Variants in STARD6 observed in about 807,000 individuals in gnomAD.
STARD6 encodes StAR related lipid transfer domain containing 6.
In STARD6, 21 loss-of-function variants were observed where a neutral mutation model predicts 22.3. That is an observed-to-expected ratio of 0.94 (90% CI 0.67 to 1.35). The LOEUF (loss-of-function observed/expected upper bound fraction) is 1.35. Ranked by LOEUF, STARD6 falls within the 40% of genes most tolerant of loss-of-function variation. The pLI, the probability that STARD6 is intolerant of heterozygous loss-of-function variation, is 0.00. For missense variants in STARD6, 269 were observed against 266.9 expected, an observed-to-expected ratio of 1.01 and a Z score of -0.05; for synonymous variants, 80 against 88.1, an observed-to-expected ratio of 0.91 and a Z score of 0.52.
intron 5 of STARD6, among the ~76,000 whole-genome samples, chr18:54,332,928 A>G (rs1471792836): frequency 6.6e-6 from 1 of 152,154 alleles, no homozygotes; most frequent in East Asian, 1.9e-4. Flanking sequence ...AATTATAAAA[A>G]TAAATAAGTA....
chr18:54,325,315 G>C (rs2144661215), intron 7 of STARD6, among the ~76,000 whole-genome samples: 1 of 151,956 alleles, frequency 6.6e-6, no homozygotes, highest in African/African-American at 2.4e-5. Context: ...TATAAATATA[G>C]TTTTATTTTT....
intron 4 of STARD6, among the ~76,000 whole-genome samples, chr18:54,345,938 C>T (rs2089029713): frequency 6.6e-6 from 1 of 152,142 alleles, no homozygotes; most frequent in African/African-American, 2.4e-5. Flanking sequence ...AAAGTGATCA[C>T]AACAGACCTA....
In STARD6 at chr18:54,331,723, G is replaced by A. The variant is rs1227327245; in HGVS notation, c.385+19C>T. 1.3e-6 allele frequency: 2 copies of A among 1,549,250 alleles called. No homozygotes were observed. The highest frequency in any genetic ancestry group is 1.8e-6 in the Non-Finnish European group (2 of 1,128,042). On this transcript the variant is annotated intron_variant, in intron 6 of 7. Coordinates refer to ENST00000307844, the MANE Select transcript of STARD6 (RefSeq NM_139171.2). The stretch of plus-strand genomic sequence containing the variant: ...GGCTCGCAGTAATTCCAAGATATGG[G>A]CAAAATGTTTCAACTTACAACTGAT...
intron 7 of STARD6, among the ~76,000 whole-genome samples, chr18:54,328,175 G>A (rs1432018693): frequency 6.6e-6 from 1 of 152,140 alleles, no homozygotes; most frequent in Non-Finnish European, 1.5e-5. Flanking sequence ...GTATCTCCAT[G>A]GATAAATGGG....
At chr18:54,337,064 C>G in intron 5 of STARD6, 61 bp downstream of exon 5, 1 of 1,430,932 alleles carries the variant, frequency 7.0e-7, no homozygotes, top group Non-Finnish European at 9.5e-7. Context: ...AATCAACTCA[C>G]TAAGGTATAA....
intron 4 of STARD6, among the ~76,000 whole-genome samples, chr18:54,348,877 G>A (rs1568173580): frequency 1.3e-5 from 2 of 152,080 alleles, no homozygotes; most frequent in East Asian, 3.8e-4. Flanking sequence ...AGGCATAAGT[G>A]TTGAAAAATT....
At chr18:54,325,350 A>G (rs2088816806) in intron 7 of STARD6, among the ~76,000 whole-genome samples, 1 of 152,044 alleles carries the variant, frequency 6.6e-6, no homozygotes, top group South Asian at 2.1e-4. Flanking sequence ...TTCTGCAACT[A>G]GTTTTATTTT....
chr18:54,337,479 A>G (rs1359443525), intron 4 of STARD6, among the ~76,000 whole-genome samples: 1 of 152,224 alleles, frequency 6.6e-6, no homozygotes, highest in Admixed American at 6.5e-5. Context: ...TTCTATAAGT[A>G]GGCTATTAGT....
intron 4 of STARD6, among the ~76,000 whole-genome samples, chr18:54,342,423 G>GCCTCCCTCTCCC (rs1445526525): frequency 8.5e-6 from 1 of 118,228 alleles, no homozygotes; most frequent in African/African-American, 4.6e-5. Flanking sequence ...AATGCTCTCC[G>GCCTCCCTCTCCC]TCTCCCTCTC....
intron 1 of STARD6, among the ~76,000 whole-genome samples, chr18:54,356,736 CAATT>C (rs1378586546): frequency 6.6e-6 from 1 of 152,206 alleles, no homozygotes; most frequent in African/African-American, 2.4e-5. Context: ...ACGTCACTAA[CAATT>C]AACAAGGATT....
chr18:54,354,387 C>T (rs1167006365), intron 3 of STARD6, 97 bp downstream of exon 3: 2 of 1,118,186 alleles, frequency 1.8e-6, no homozygotes, highest in East Asian at 5.1e-5. Context: ...CACCACTGCA[C>T]CTGGAACAGA....
At chr18:54,340,811 G>A (rs1301256536) in intron 4 of STARD6, among the ~76,000 whole-genome samples, 13 of 152,150 alleles carry the variant, frequency 8.5e-5, no homozygotes, top group Admixed American at 8.5e-4. Context: ...CCCTGTAAAT[G>A]GAACCATAGT....
intron 4 of STARD6, among the ~76,000 whole-genome samples, chr18:54,340,410 A>G (rs2088959423): frequency 6.6e-6 from 1 of 152,198 alleles, no homozygotes; most frequent in South Asian, 2.1e-4. Flanking sequence ...CAAAAAATGT[A>G]GTTCAAAAAA....
chr18:54,343,125 A>G (rs2088991140), intron 4 of STARD6, among the ~76,000 whole-genome samples: 1 of 29,226 alleles, frequency 3.4e-5, no homozygotes, highest in African/African-American at 1.7e-4. Flanking sequence ...CCCATCTGGG[A>G]TGTGAGGAGC....
chr18:54,339,712 CA>C (rs1273068163), intron 4 of STARD6, among the ~76,000 whole-genome samples: 15 of 152,036 alleles, frequency 9.9e-5, no homozygotes, highest in African/African-American at 3.6e-4. Context: ...TCCTGCCTTA[CA>C]AAAAATGCTA....
At chr18:54,340,028 A>C (rs549903106) in intron 4 of STARD6, among the ~76,000 whole-genome samples, 4 of 152,306 alleles carry the variant, frequency 2.6e-5, no homozygotes, top group Non-Finnish European at 5.9e-5. Context: ...ACCAATGAAG[A>C]GAACCAGAAA....
intron 5 of STARD6, among the ~76,000 whole-genome samples, chr18:54,335,989 C>A (rs571781409): frequency 1.3e-5 from 2 of 152,286 alleles, no homozygotes; most frequent in South Asian, 4.1e-4. Context: ...AATGCAACCT[C>A]TTTTCACCAT....
At chr18:54,328,901 C>T (rs1207499886) in intron 7 of STARD6, among the ~76,000 whole-genome samples, 1 of 152,162 alleles carries the variant, frequency 6.6e-6, no homozygotes, top group African/African-American at 2.4e-5. Flanking sequence ...TACTGGATCT[C>T]ATTTTGCAGG....
At chr18:54,348,472 T>C (rs531741390) in intron 4 of STARD6, among the ~76,000 whole-genome samples, 2 of 152,226 alleles carry the variant, frequency 1.3e-5, no homozygotes, top group Admixed American at 6.5e-5. Flanking sequence ...GAGAGAATAA[T>C]GATTAAGAAA....
Sources: gnomAD v4.1 joint callset for allele counts (sites outside exome capture counted in the v4.1 genomes callset) on GRCh38, gnomAD v4.1.1 for gene constraint, MANE v1.5 for transcripts, NCBI Gene and HGNC (gene_info 2026-07-23, HGNC 2026-07-21) for gene names.